SLC26A5: variants seen among roughly 807,000 people sequenced by gnomAD.
SLC26A5 encodes prestin.
In SLC26A5, 51 loss-of-function variants were observed where a neutral mutation model predicts 81.0. The ratio of observed to expected loss-of-function variants is 0.63; its 90% CI spans 0.50 to 0.80. The LOEUF (loss-of-function observed/expected upper bound fraction) is 0.80. Among genes scored for constraint, SLC26A5 ranks in the 30% least tolerant of loss-of-function variants. The pLI is 0.00. For synonymous variants in SLC26A5, 325 were observed against 332.8 expected (o/e 0.98, Z 0.25); for missense variants, 771 against 905.8 (o/e 0.85, Z 1.91).
chr7:103,354,868 G>A, intron 19 of SLC26A5: 1 of 1,607,066 alleles, frequency 6.2e-7, no homozygotes, highest in Non-Finnish European at 8.5e-7. Flanking sequence ...CATCACCTAG[G>A]GTCAGAGCAC....
chr7:103,387,291 A>AT (rs1435793456), intron 14 of SLC26A5, among the ~76,000 whole-genome samples: 35 of 152,322 alleles, frequency 2.3e-4, no homozygotes, highest in South Asian at 4.1e-4. Context: ...GAAAATGCTC[A>AT]TTTCCCACCC....
At chr7:103,363,582 G>A in intron 19 of SLC26A5, 1 of 722,886 alleles carries the variant, frequency 1.4e-6, no homozygotes, top group Non-Finnish European at 2.3e-6. Context: ...AGGAGGTGTG[G>A]AGAGTTGGTA....
At chr7:103,404,130 C>T (rs113000926) in intron 8 of SLC26A5, among the ~76,000 whole-genome samples, 8,998 of 152,146 alleles carry the variant, frequency 0.059, 858 homozygotes, top group African/African-American at 0.2. Flanking sequence ...TTGCAGTGAA[C>T]CGAGATCGCA....
intron 14 of SLC26A5, among the ~76,000 whole-genome samples, chr7:103,385,205 G>C (rs1304171695): frequency 6.6e-6 from 1 of 151,798 alleles, no homozygotes; most frequent in Non-Finnish European, 1.5e-5. Context: ...TCTGTCGCCT[G>C]GGCTGGAGTG....
At chr7:103,378,604 C>T (rs762995570) in intron 16 of SLC26A5, 51 bp from the exon 17 acceptor site, 1 of 1,466,800 alleles carries the variant, frequency 6.8e-7, no homozygotes, top group Admixed American at 1.7e-5. Flanking sequence ...CTCAGGGACC[C>T]ACCCCAATGC....
intron 7 of SLC26A5, among the ~76,000 whole-genome samples, chr7:103,408,259 C>T (rs1486170352): frequency 2.0e-5 from 3 of 152,126 alleles, no homozygotes; most frequent in African/African-American, 4.8e-5. Flanking sequence ...CACAGTCTTG[C>T]TCTGTTGCCC....
At chr7:103,386,424 G>A (rs937078828) in intron 14 of SLC26A5, among the ~76,000 whole-genome samples, 6 of 151,798 alleles carry the variant, frequency 4.0e-5, no homozygotes, top group South Asian at 2.1e-4. Context: ...AAAATTGGCC[G>A]GGCGTGGTGG....
chr7:103,378,608 C>T, intron 16 of SLC26A5, 55 bp from the exon 17 acceptor site: 1 of 1,428,234 alleles, frequency 7.0e-7, no homozygotes. Flanking sequence ...GGGACCCACC[C>T]CAATGCCACT....
chr7:103,368,107 G>C, intron 19 of SLC26A5: 1 of 1,481,488 alleles, frequency 6.7e-7, no homozygotes, highest in African/African-American at 1.4e-5. Flanking sequence ...ACCTTATATA[G>C]ACTTGTTAAT....
intron 18 of SLC26A5, among the ~76,000 whole-genome samples, chr7:103,377,298 A>T (rs979122962): frequency 2.0e-5 from 3 of 152,208 alleles, no homozygotes; most frequent in Non-Finnish European, 4.4e-5. Flanking sequence ...AGCAATACAC[A>T]TTAAAATATT....
Position 103,360,849 on chromosome 7 carries a change from C to T in SLC26A5, c.2042-7923G>A, listed in dbSNP as rs554158541. On this transcript the variant is annotated intron_variant, in intron 19 of 19. Transcript: ENST00000339444. ...TCTACTGGCCGGGTGCAATGGCTCA[C>T]GCCTGTAATCCCAGCACTTTGGGAG... Among the ~76,000 whole-genome samples, 6 of 152,294 alleles carry T rather than the reference C, an allele frequency of 3.9e-5. No homozygotes were observed. The South Asian group carries it at 8.3e-4, about 21-fold the overall frequency.
intron 2 of SLC26A5, among the ~76,000 whole-genome samples, chr7:103,422,031 T>C (rs1054615278): frequency 2.0e-5 from 3 of 152,230 alleles, no homozygotes; most frequent in African/African-American, 7.2e-5. Context: ...GGTTCAGAGT[T>C]TAGGCTTACA....
intron 2 of SLC26A5, among the ~76,000 whole-genome samples, chr7:103,438,314 A>G (rs1826615448): frequency 6.6e-6 from 1 of 152,122 alleles, no homozygotes. Flanking sequence ...ACCCATAAAT[A>G]TATAAAATTA....
At chr7:103,436,558 C>G (rs960161599) in intron 2 of SLC26A5, among the ~76,000 whole-genome samples, 2 of 152,054 alleles carry the variant, frequency 1.3e-5, no homozygotes, top group African/African-American at 4.8e-5. Flanking sequence ...ATACAAGGAG[C>G]CAGGTAGTTA....
intron 2 of SLC26A5, among the ~76,000 whole-genome samples, chr7:103,437,125 G>A (rs1313343265): frequency 6.6e-6 from 1 of 152,168 alleles, no homozygotes; most frequent in East Asian, 1.9e-4. Flanking sequence ...AATGGGCAAA[G>A]GACCAGAATA....
chr7:103,428,666 G>A (rs185438877), intron 2 of SLC26A5, among the ~76,000 whole-genome samples: 210 of 150,708 alleles, frequency 1.4e-3, no homozygotes, highest in African/African-American at 4.9e-3. Flanking sequence ...AGGTTCAAGC[G>A]ATTCTCCTGC....
At chr7:103,402,428 C>G (rs1252659949) in intron 8 of SLC26A5, among the ~76,000 whole-genome samples, 1 of 128,184 alleles carries the variant, frequency 7.8e-6, no homozygotes, top group African/African-American at 3.0e-5. Context: ...GAGTCTCATT[C>G]TCGCTCTGTT....
chr7:103,365,957 G>C, intron 19 of SLC26A5: 1 of 776,988 alleles, frequency 1.3e-6, no homozygotes, highest in Non-Finnish European at 2.0e-6. Flanking sequence ...AAACGTTTAG[G>C]TAATAATGGG....
chr7:103,431,244 A>G (rs1220648395), intron 2 of SLC26A5, among the ~76,000 whole-genome samples: 1 of 152,224 alleles, frequency 6.6e-6, no homozygotes, highest in African/African-American at 2.4e-5. Flanking sequence ...TGAAATAACT[A>G]ATAATGAAAA....
Sources: allele counts gnomAD v4.1 joint callset (sites outside exome capture counted in the v4.1 genomes callset), GRCh38; gene constraint gnomAD v4.1.1; transcripts MANE v1.5; gene names NCBI Gene and HGNC (gene_info 2026-07-23, HGNC 2026-07-21).